Variants in PPARGC1A observed in about 807,000 individuals in gnomAD.
PPARGC1A encodes peroxisome proliferator-activated receptor gamma coactivator 1-alpha.
A neutral mutation model predicts 88.7 loss-of-function variants in PPARGC1A; 25 were observed. That is an observed-to-expected ratio of 0.28 (90% CI 0.21 to 0.39). The LOEUF is 0.39. Among genes scored for constraint, PPARGC1A ranks in the 10% least tolerant of loss-of-function variants. PPARGC1A has a pLI of 1.00. For missense variants in PPARGC1A, 880 were observed against 968.7 expected (o/e 0.91, Z 1.22); for synonymous variants, 363 against 355.6 (o/e 1.02, Z -0.24).
At chr4:23,989,037 C>G in the PPARGC1A span, among the ~76,000 whole-genome samples, 1 of 150,350 alleles carries the variant, frequency 6.7e-6, no homozygotes, top group Non-Finnish European at 1.5e-5. Context: ...TCCTTGACCT[C>G]TAGGGAACAA....
chr4:24,322,605 G>A, the PPARGC1A span, among the ~76,000 whole-genome samples: 429 of 152,332 alleles, frequency 2.8e-3, 6 homozygotes, highest in African/African-American at 9.9e-3. Context: ...GTGTTGTGCT[G>A]GAACAGGCTT....
At chr4:24,068,438 G>T in the PPARGC1A span, among the ~76,000 whole-genome samples, 1 of 152,162 alleles carries the variant, frequency 6.6e-6, no homozygotes, top group Non-Finnish European at 1.5e-5. Context: ...TGCTATGCTA[G>T]GTGGTAGAAA....
the PPARGC1A span, among the ~76,000 whole-genome samples, chr4:24,164,035 G>A: frequency 6.6e-6 from 1 of 152,160 alleles, no homozygotes; most frequent in African/African-American, 2.4e-5. Flanking sequence ...AATCCTGTTT[G>A]ATAGAATAAT....
At chr4:24,145,490 A>C in the PPARGC1A span, among the ~76,000 whole-genome samples, 1 of 152,072 alleles carries the variant, frequency 6.6e-6, no homozygotes, top group Admixed American at 6.5e-5. Context: ...CCTTGACTCT[A>C]TTGCTGAGTT....
chr4:23,854,459 A>G (rs1282734154), intron 2 of PPARGC1A, among the ~76,000 whole-genome samples: 1 of 152,182 alleles, frequency 6.6e-6, no homozygotes, highest in African/African-American at 2.4e-5. Flanking sequence ...AAATTTGATT[A>G]TGGTCCTATC....
the PPARGC1A span, among the ~76,000 whole-genome samples, chr4:24,310,294 A>C: frequency 1.3e-5 from 2 of 152,202 alleles, no homozygotes; most frequent in Non-Finnish European, 2.9e-5. Context: ...TAAAAACCAC[A>C]AAAATGGGAA....
the PPARGC1A span, among the ~76,000 whole-genome samples, chr4:24,204,554 C>A: frequency 1.3e-5 from 2 of 151,986 alleles, no homozygotes; most frequent in East Asian, 3.9e-4. Context: ...TATAGTAATT[C>A]TCCTGGAAAC....
chr4:24,190,537 A>G, the PPARGC1A span, among the ~76,000 whole-genome samples: 19 of 152,072 alleles, frequency 1.2e-4, no homozygotes, highest in African/African-American at 4.6e-4. Flanking sequence ...ATTAAAATAA[A>G]ATAATATATA....
chr4:23,901,306 C>T (rs563883344), upstream of PPARGC1A, among the ~76,000 whole-genome samples: 1 of 147,906 alleles, frequency 6.8e-6, no homozygotes, highest in Non-Finnish European at 1.5e-5. Flanking sequence ...GGAGGCGGAG[C>T]TTGCAGTGAG....
At chr4:24,412,568 C>T in the PPARGC1A span, among the ~76,000 whole-genome samples, 2 of 152,196 alleles carry the variant, frequency 1.3e-5, no homozygotes, top group African/African-American at 2.4e-5. Flanking sequence ...GCAACCTCCA[C>T]CTCCCGGGTT....
chr4:23,900,579 A>G (rs1314019758), upstream of PPARGC1A, among the ~76,000 whole-genome samples: 2 of 152,200 alleles, frequency 1.3e-5, no homozygotes, highest in East Asian at 3.9e-4. Flanking sequence ...TTAAAACTCA[A>G]TGTAAAATCA....
chr4:24,062,862 T>C, the PPARGC1A span, among the ~76,000 whole-genome samples: 1 of 152,244 alleles, frequency 6.6e-6, no homozygotes, highest in Non-Finnish European at 1.5e-5. Flanking sequence ...TTTTTAGTCC[T>C]TGTATTTTTT....
the PPARGC1A span, among the ~76,000 whole-genome samples, chr4:24,053,861 G>C: frequency 1.8e-4 from 28 of 152,086 alleles, no homozygotes; most frequent in Non-Finnish European, 7.3e-5. Context: ...CCTGTGCTAG[G>C]TACTGAGTCA....
the PPARGC1A span, among the ~76,000 whole-genome samples, chr4:24,243,403 A>G: frequency 6.6e-6 from 1 of 152,196 alleles, no homozygotes; most frequent in Non-Finnish European, 1.5e-5. Context: ...GAGAAGACAT[A>G]TGGAATGCAT....
At chr4:23,946,040 C>T in the PPARGC1A span, among the ~76,000 whole-genome samples, 1 of 152,030 alleles carries the variant, frequency 6.6e-6, no homozygotes, top group Admixed American at 6.6e-5. Context: ...AATCCGCTGT[C>T]TCTATATCAT....
the PPARGC1A span, among the ~76,000 whole-genome samples, chr4:24,009,691 T>C: frequency 6.6e-6 from 1 of 152,200 alleles, no homozygotes; most frequent in African/African-American, 2.4e-5. Context: ...GGGAAACTGA[T>C]GAGATCTCAG....
At chr4:24,196,795 T>G in the PPARGC1A span, among the ~76,000 whole-genome samples, 1 of 152,226 alleles carries the variant, frequency 6.6e-6, no homozygotes, top group Non-Finnish European at 1.5e-5. Context: ...TTGGCCTCTA[T>G]TCCTATATCT....
chr4:24,263,703 G>C, the PPARGC1A span, among the ~76,000 whole-genome samples: 1 of 152,190 alleles, frequency 6.6e-6, no homozygotes, highest in African/African-American at 2.4e-5. Context: ...ACACCTTTAT[G>C]ATGATCCACT....
At position 23,840,832 on chromosome 4, in the gene PPARGC1A, T is replaced by A. The variant is rs1448358600; in HGVS notation, c.235-9081A>T. On this transcript the variant is annotated intron_variant, in intron 2 of 12. Transcript: ENST00000264867. ...TATTTTCTTTGTAATCCTCACCTCCTCCTATCCTCGGACAATTTGTCTTCT... is the reference window on the plus strand; with the variant it reads ...TATTTTCTTTGTAATCCTCACCTCCACCTATCCTCGGACAATTTGTCTTCT... Among the ~76,000 whole-genome samples, 3 of 152,272 alleles carry A rather than the reference T, an allele frequency of 2.0e-5. No individual in the cohort carries two copies. In the East Asian group the frequency reaches 5.8e-4, roughly 29 times the overall value.
Sources: gnomAD v4.1 joint callset for allele counts (sites outside exome capture counted in the v4.1 genomes callset) on GRCh38, gnomAD v4.1.1 for gene constraint, MANE v1.5 for transcripts, NCBI Gene and HGNC (gene_info 2026-07-23, HGNC 2026-07-21) for gene names.